The following NEK10 variants were observed in gnomAD, a reference collection of about 807,000 sequenced individuals.
NEK10 encodes the protein NIMA related kinase 10.
In NEK10, 122 loss-of-function variants were observed where a neutral mutation model predicts 159.8. That is an observed-to-expected ratio of 0.76 (90% CI 0.66 to 0.89). NEK10 has a LOEUF of 0.89. Ranked by LOEUF, NEK10 falls within the 40% of genes least tolerant of loss-of-function variation. NEK10 has a pLI of 0.00. For synonymous variants in NEK10, 466 were observed against 457.1 expected (o/e 1.02, Z -0.25); for missense variants, 1,342 against 1,323.1 (o/e 1.01, Z -0.22).
chr3:27,227,412 G>A (rs1952748081), intron 23 of NEK10, among the ~76,000 whole-genome samples: 1 of 152,318 alleles, frequency 6.6e-6, no homozygotes, highest in South Asian at 2.1e-4. Context: ...TAGGGAGCAG[G>A]CTCATTAGCA....
chr3:27,316,911 C>G (rs894120518), intron 6 of NEK10, among the ~76,000 whole-genome samples: 1 of 152,166 alleles, frequency 6.6e-6, no homozygotes, highest in Non-Finnish European at 1.5e-5. Flanking sequence ...TTTGGCGCTG[C>G]TGAGCACTAT....
rs1198013736 is a variant in NEK10 at position 27,142,684 on chromosome 3, AT to A, written c.2870-1103del. Reference sequence around the variant, plus strand: ...AAAGCTTGCATATTTTACCATAAATATTTTGTTTTCAAGACATTTAAAGAGA... The same window carrying A: ...AAAGCTTGCATATTTTACCATAAATATTTGTTTTCAAGACATTTAAAGAGA... On this transcript the variant is annotated intron_variant, in intron 30 of 35. Transcript: ENST00000691995. 7.9e-5 allele frequency among the ~76,000 whole-genome samples: 12 copies of A among 152,322 alleles called. No homozygotes were observed. The East Asian group carries it at 2.1e-3, about 27-fold the overall frequency.
chr3:27,209,636 TAAAC>T (rs1950828531), intron 23 of NEK10, among the ~76,000 whole-genome samples: 1 of 152,168 alleles, frequency 6.6e-6, no homozygotes, highest in African/African-American at 2.4e-5. Flanking sequence ...AGTTAAATAA[TAAAC>T]AAACTGGAGT....
chr3:27,221,140 A>G (rs2149153292), intron 23 of NEK10, among the ~76,000 whole-genome samples: 1 of 152,362 alleles, frequency 6.6e-6, no homozygotes, highest in Non-Finnish European at 1.5e-5. Flanking sequence ...ACTCTTAAGC[A>G]CAAGCAACCA....
intron 30 of NEK10, among the ~76,000 whole-genome samples, chr3:27,160,871 A>C (rs989001901): frequency 6.6e-6 from 1 of 152,188 alleles, no homozygotes; most frequent in African/African-American, 2.4e-5. Flanking sequence ...ATACCACTGC[A>C]CTCAAGCCTT....
chr3:27,116,209 C>T, intron 33 of NEK10, 82 bp from the exon 34 acceptor site: 1 of 1,236,118 alleles, frequency 8.1e-7, no homozygotes, highest in Non-Finnish European at 1.2e-6. Context: ...ATGACTTCAA[C>T]CACAGGGCAA....
chr3:27,211,638 C>T (rs1951016655), intron 23 of NEK10, among the ~76,000 whole-genome samples: 1 of 152,218 alleles, frequency 6.6e-6, no homozygotes, highest in African/African-American at 2.4e-5. Flanking sequence ...TAGCCTCCCT[C>T]CTGATCTTTG....
intron 6 of NEK10, among the ~76,000 whole-genome samples, chr3:27,318,797 C>T (rs1047626163): frequency 4.6e-5 from 7 of 152,158 alleles, no homozygotes; most frequent in African/African-American, 1.7e-4. Context: ...TAACATGTCT[C>T]TGGAAACTTG....
intron 32 of NEK10, among the ~76,000 whole-genome samples, chr3:27,127,818 T>G (rs1409577569): frequency 6.6e-6 from 1 of 152,176 alleles, no homozygotes; most frequent in Non-Finnish European, 1.5e-5. Context: ...TTATTTTCCC[T>G]AAAATGCTTT....
intron 1 of NEK10, among the ~76,000 whole-genome samples, chr3:27,358,036 C>T (rs1457211496): frequency 5.3e-5 from 8 of 152,244 alleles, no homozygotes; most frequent in South Asian, 2.1e-4. Flanking sequence ...TTCTCTAACA[C>T]TTATTCTACC....
intron 5 of NEK10, among the ~76,000 whole-genome samples, chr3:27,339,359 A>G (rs2149756018): frequency 6.6e-6 from 1 of 152,352 alleles, no homozygotes; most frequent in East Asian, 1.9e-4. Flanking sequence ...CAAGAAAAAA[A>G]CAAACAACCC....
At chr3:27,277,348 C>A (rs970546987) in intron 22 of NEK10, among the ~76,000 whole-genome samples, 1 of 152,152 alleles carries the variant, frequency 6.6e-6, no homozygotes, top group Non-Finnish European at 1.5e-5. Flanking sequence ...GTTAGTCTGG[C>A]TTTTTGCACC....
At chr3:27,144,878 C>T (rs867546570) in intron 30 of NEK10, among the ~76,000 whole-genome samples, 7 of 152,086 alleles carry the variant, frequency 4.6e-5, no homozygotes, top group Admixed American at 4.6e-4. Context: ...TGCACCACCA[C>T]ACTTGGCTAA....
intron 13 of NEK10, among the ~76,000 whole-genome samples, chr3:27,300,580 C>CCA (rs886725958): frequency 3.0e-4 from 45 of 152,306 alleles, no homozygotes; most frequent in African/African-American, 1.1e-3. Context: ...TAACCATCCT[C>CCA]CACCCAGAGG....
rs776763681 is a variant in NEK10 at position 27,304,823 on chromosome 3, C to A, written c.952G>T (p.Val318Phe). ...ACGCTGGTCTCAGGGTCCTCACAAA[C>A]CTGTACCAGAATCCAGACAATGCTC... ...LWSIVWILVQ[V>F]CEDPETSVEI... The change falls in exon 12 of 36, where the codon GTT (valine) becomes TTT (phenylalanine). Residue 318 changes from valine to phenylalanine, a missense_variant. By Grantham distance (50) the Val-to-Phe change is conservative. Coordinates refer to ENST00000691995, the MANE Select transcript of NEK10 (RefSeq NM_001394966.1). The A allele has an allele frequency of 6.2e-7, 1 of 1,613,936 alleles. No individual in the cohort carries two copies. Among genetic ancestry groups the A allele is most frequent in the South Asian group, 1.1e-5 (1 of 91,074 alleles).
chr3:27,364,611 G>C (rs2048931107), intron 1 of NEK10, among the ~76,000 whole-genome samples: 1 of 152,178 alleles, frequency 6.6e-6, no homozygotes, highest in Non-Finnish European at 1.5e-5. Context: ...TAAAAATAGA[G>C]TTTAAATTCA....
At chr3:27,241,565 A>AAC (rs1222696582) in intron 23 of NEK10, among the ~76,000 whole-genome samples, 1 of 152,188 alleles carries the variant, frequency 6.6e-6, no homozygotes, top group African/African-American at 2.4e-5. Context: ...CAAGTACCTC[A>AAC]ACAGATTTGA....
chr3:27,238,134 G>C (rs181658145), intron 23 of NEK10, among the ~76,000 whole-genome samples: 1 of 152,110 alleles, frequency 6.6e-6, no homozygotes, highest in African/African-American at 2.4e-5. Context: ...CCAAGAATAC[G>C]TGCCCTGTGT....
intron 1 of NEK10, among the ~76,000 whole-genome samples, chr3:27,360,199 A>G (rs2048588887): frequency 6.6e-6 from 1 of 152,182 alleles, no homozygotes; most frequent in Non-Finnish European, 1.5e-5. Flanking sequence ...TTAGCAGAAA[A>G]GAGACAGCTA....
Sources: gnomAD v4.1 joint callset for allele counts (sites outside exome capture counted in the v4.1 genomes callset) on GRCh38, gnomAD v4.1.1 for gene constraint, MANE v1.5 for transcripts, NCBI Gene and HGNC (gene_info 2026-07-23, HGNC 2026-07-21) for gene names.